TANC1: variants seen among roughly 807,000 people sequenced by gnomAD.
The protein encoded by TANC1 is protein TANC1.
In TANC1, 77 loss-of-function variants were observed where a neutral mutation model predicts 149.7. The ratio of observed to expected loss-of-function variants is 0.51; its 90% CI spans 0.43 to 0.62. The LOEUF is 0.62. TANC1 is among the 20% of genes least tolerant of loss of function. TANC1 has a pLI of 0.00. For missense variants in TANC1, 1,985 were observed against 2,321.8 expected (o/e 0.85, Z 2.98); for synonymous variants, 854 against 925.0 (o/e 0.92, Z 1.39).
chr2:159,030,567 GAC>G lies in TANC1; in HGVS notation c.-16+29382_-16+29383del, dbSNP rs534015966. Among the ~76,000 whole-genome samples, 5 of 152,288 alleles carry G rather than the reference GAC, an allele frequency of 3.3e-5. No individual in the cohort carries two copies. The South Asian group carries it at 1.0e-3, about 32-fold the overall frequency. ...CTCTGATTCTCCTCTATTCAGAGAA[GAC>G]ACAGTTGTAGCCATTTCTCTGATTT... On this transcript the variant is annotated intron_variant, in intron 2 of 26. Transcript: ENST00000263635.
intron 2 of TANC1, among the ~76,000 whole-genome samples, chr2:159,005,138 C>T (rs1401527906): frequency 1.3e-5 from 2 of 152,152 alleles, no homozygotes; most frequent in Non-Finnish European, 2.9e-5. Flanking sequence ...TCCTTGCCCT[C>T]ATTCCGATAA....
In TANC1 at chr2:159,186,901, G is replaced by C; in HGVS notation, c.2620-1G>C. ...CCAAGATCTGTCTCGATTGTTTCCA[G>C]GGCCTCAGTAAGAAGACGGGAATTT... is the stretch of plus-strand genomic sequence containing the variant. On this transcript the variant is annotated splice_acceptor_variant, in intron 15 of 26. Coordinates refer to ENST00000263635, the MANE Select transcript of TANC1 (RefSeq NM_033394.3). LOFTEE classifies it high-confidence loss of function. 1 of 1,614,216 alleles carries C rather than the reference G, an allele frequency of 6.2e-7. No individual in the cohort carries two copies. Among genetic ancestry groups the C allele is most frequent in the Non-Finnish European group, 8.5e-7 (1 of 1,180,030 alleles).
chr2:159,123,230 G>C (rs1270387773), intron 4 of TANC1, among the ~76,000 whole-genome samples: 1 of 152,074 alleles, frequency 6.6e-6, no homozygotes. Flanking sequence ...TTTCCTTCAG[G>C]TGCTCCCTTC....
chr2:159,109,709 C>T (rs2150012886), intron 4 of TANC1, among the ~76,000 whole-genome samples: 1 of 152,326 alleles, frequency 6.6e-6, no homozygotes, highest in African/African-American at 2.4e-5. Flanking sequence ...TCCCTTGGCC[C>T]AGTGTCCATG....
intron 20 of TANC1, among the ~76,000 whole-genome samples, chr2:159,218,124 C>T (rs1293832999): frequency 6.6e-6 from 1 of 152,070 alleles, no homozygotes; most frequent in Admixed American, 6.6e-5. Context: ...TGTTGTGGTT[C>T]ATTCAAGGGA....
chr2:159,010,402 C>T (rs528778391), intron 2 of TANC1, among the ~76,000 whole-genome samples: 6 of 152,046 alleles, frequency 3.9e-5, no homozygotes, highest in African/African-American at 1.5e-4. Flanking sequence ...GCTAGGAGTC[C>T]TTGAGAAAAG....
intron 7 of TANC1, among the ~76,000 whole-genome samples, chr2:159,159,116 T>G (rs1043778653): frequency 1.3e-5 from 2 of 152,182 alleles, no homozygotes; most frequent in Non-Finnish European, 2.9e-5. Context: ...GACACTGATT[T>G]TATTTTTCTT....
intron 1 of TANC1, among the ~76,000 whole-genome samples, chr2:158,969,183 G>A (rs1178920527): frequency 6.6e-6 from 1 of 152,196 alleles, no homozygotes; most frequent in Non-Finnish European, 1.5e-5. Flanking sequence ...GTAGCCCTCG[G>A]GCTTGGCAAG....
intron 2 of TANC1, among the ~76,000 whole-genome samples, chr2:159,058,224 G>C (rs552030396): frequency 6.6e-6 from 1 of 152,252 alleles, no homozygotes; most frequent in South Asian, 2.1e-4. Flanking sequence ...GTGCCTATTT[G>C]AAATACCCAA....
At chr2:158,981,641 A>G (rs988587197) in intron 1 of TANC1, among the ~76,000 whole-genome samples, 6 of 150,212 alleles carry the variant, frequency 4.0e-5, no homozygotes, top group Non-Finnish European at 3.0e-5. Flanking sequence ...GGTATTCTGA[A>G]TAGTTGGCGT....
At chr2:159,113,587 A>G (rs971582262) in intron 4 of TANC1, among the ~76,000 whole-genome samples, 4 of 152,196 alleles carry the variant, frequency 2.6e-5, no homozygotes, top group African/African-American at 9.7e-5. Flanking sequence ...AGATTGGGGT[A>G]AATCGCCCCT....
chr2:159,204,316 T>G (rs1459343952), intron 19 of TANC1, among the ~76,000 whole-genome samples: 1 of 152,334 alleles, frequency 6.6e-6, no homozygotes, highest in African/African-American at 2.4e-5. Context: ...CCCAGTGTCC[T>G]GATTTCTTGG....
At chr2:158,976,122 C>T (rs1385103068) in intron 1 of TANC1, among the ~76,000 whole-genome samples, 1 of 152,238 alleles carries the variant, frequency 6.6e-6, no homozygotes, top group Non-Finnish European at 1.5e-5. Flanking sequence ...GTGTGAGCCA[C>T]TGTGCCCAGC....
At chr2:159,133,427 T>C (rs1384027487) in intron 4 of TANC1, among the ~76,000 whole-genome samples, 8 of 151,866 alleles carry the variant, frequency 5.3e-5, no homozygotes, top group Admixed American at 4.6e-4. Context: ...CAATCACGGC[T>C]TACTGTAGCC....
At chr2:158,996,743 A>G (rs1457753821) in intron 1 of TANC1, among the ~76,000 whole-genome samples, 1 of 152,206 alleles carries the variant, frequency 6.6e-6, no homozygotes, top group Non-Finnish European at 1.5e-5. Flanking sequence ...GTGGTCCAGA[A>G]CTGAGCTAGG....
intron 5 of TANC1, among the ~76,000 whole-genome samples, chr2:159,145,085 G>A (rs1403965143): frequency 1.3e-5 from 2 of 152,198 alleles, no homozygotes; most frequent in Non-Finnish European, 1.5e-5. Flanking sequence ...AGGGACCTGC[G>A]CTCCTCCCCT....
chr2:159,066,620 A>T (rs1215833885), intron 3 of TANC1, among the ~76,000 whole-genome samples: 1 of 152,210 alleles, frequency 6.6e-6, no homozygotes, highest in Non-Finnish European at 1.5e-5. Context: ...TAGAAATCCC[A>T]TTCCCTTTCC....
intron 4 of TANC1, among the ~76,000 whole-genome samples, chr2:159,112,365 C>T (rs2047814272): frequency 6.6e-6 from 1 of 152,100 alleles, no homozygotes; most frequent in African/African-American, 2.4e-5. Context: ...AAGTGATTCT[C>T]CTGCTTCACC....
At chr2:159,028,702 C>T (rs1479804086) in intron 2 of TANC1, among the ~76,000 whole-genome samples, 2 of 152,198 alleles carry the variant, frequency 1.3e-5, no homozygotes, top group Admixed American at 6.5e-5. Context: ...ATTTTCCTCT[C>T]TCCCCAAGCT....
Sources: allele counts gnomAD v4.1 joint callset (sites outside exome capture counted in the v4.1 genomes callset), GRCh38; gene constraint gnomAD v4.1.1; transcripts MANE v1.5; gene names NCBI Gene and HGNC (gene_info 2026-07-23, HGNC 2026-07-21).